Variants in COL28A1 observed in about 807,000 individuals in gnomAD.
COL28A1 encodes collagen alpha-1(XXVIII) chain.
COL28A1 carries 161 observed loss-of-function variants against 150.2 expected under a neutral mutation model. The observed-to-expected ratio is 1.07, with a 90% CI of 0.94 to 1.22. The LOEUF (loss-of-function observed/expected upper bound fraction) is 1.22, where lower values mean the gene tolerates loss of function less well. COL28A1 is among the 50% of genes most tolerant of loss of function. The pLI is 0.00. For missense variants in COL28A1, 1,617 were observed against 1,388.3 expected, an observed-to-expected ratio of 1.16 and a Z score of -2.62; for synonymous variants, 552 against 469.7, an observed-to-expected ratio of 1.18 and a Z score of -2.26.
At chr7:7,426,374 G>C (rs1054050145) in intron 25 of COL28A1, among the ~76,000 whole-genome samples, 2 of 152,164 alleles carry the variant, frequency 1.3e-5, no homozygotes, top group African/African-American at 4.8e-5. Flanking sequence ...AGGACCTCTA[G>C]AATACCTCAC....
At position 7,504,068 on chromosome 7, in the gene COL28A1, C is replaced by A. The variant is rs1306472422; in HGVS notation, c.1026+1946G>T. 1.3e-5 allele frequency among the ~76,000 whole-genome samples: 2 copies of A among 152,166 alleles called. 1 individual carries two copies. The highest frequency in any genetic ancestry group is 3.8e-4 in the East Asian group (2 of 5,198). On this transcript the variant is annotated intron_variant, in intron 11 of 34. Transcript: ENST00000399429. The stretch of plus-strand genomic sequence containing the variant: ...TGCTGTAAAAGTCAACCACAAAGTG[C>A]TATTATGTCAGAAAAATTATAACCA...
chr7:7,471,023 A>G, intron 15 of COL28A1, among the ~76,000 whole-genome samples: 1 of 141,518 alleles, frequency 7.1e-6, no homozygotes. Context: ...ATGACGAGTT[A>G]GTGGGTGCAG....
At position 7,362,232 on chromosome 7, in the gene COL28A1, T is replaced by C. The variant is rs1326805357; in HGVS notation, c.3067-1704A>G. 2.9e-5 allele frequency among the ~76,000 whole-genome samples: 4 copies of C among 138,430 alleles called. No homozygotes were observed. The East Asian group carries it at 6.6e-4, about 23-fold the overall frequency. The allele number at this position is 138,430 out of a possible 152,430, so 90.8% of individuals were successfully genotyped here. A position where few individuals can be genotyped will look rare whatever the true frequency, so the allele number is the denominator to read the frequency against. On this transcript the variant is annotated intron_variant, in intron 33 of 34. Coordinates refer to ENST00000399429, the MANE Select transcript of COL28A1 (RefSeq NM_001037763.3). ...ACAATTACCAGGAGCTAGACAAATCTTTTATGGGAATAATTATATTCTTTT... is the reference window on the plus strand; with the variant it reads ...ACAATTACCAGGAGCTAGACAAATCCTTTATGGGAATAATTATATTCTTTT...
chr7:7,375,557 C>A, intron 30 of COL28A1, 60 bp from the exon 31 acceptor site: 3 of 1,119,250 alleles, frequency 2.7e-6, no homozygotes, highest in Non-Finnish European at 2.5e-6. Context: ...TTTCCTAGAG[C>A]CATAAAAGAT....
At position 7,444,437 on chromosome 7, in the gene COL28A1, T is replaced by C. The variant is rs1786089552; in HGVS notation, c.1562A>G (p.Asp521Gly). The C allele has an allele frequency of 6.2e-7, 1 of 1,613,978 alleles. No homozygotes were observed. Among genetic ancestry groups the C allele is most frequent in the Non-Finnish European group, 8.5e-7 (1 of 1,179,996 alleles). The change falls in exon 19 of 35, where the codon GAT becomes GGT. Residue 521 changes from aspartate (D) to glycine (G), a missense_variant. Asp to Gly is a moderately conservative substitution (Grantham distance 94, BLOSUM62 -1). Coordinates refer to ENST00000399429, the MANE Select transcript of COL28A1 (RefSeq NM_001037763.3). The stretch of plus-strand genomic sequence containing the variant: ...TGTTACCTTCTTCCCTGCAGCTCCA[T>C]CTTCTCCTGGTACTCCTGGTTGTCC... ...LPGQPGVPGEDGAAGKKGEAG... is the reference protein window; with the variant it reads ...LPGQPGVPGEGGAAGKKGEAG...
At chr7:7,520,426 T>C (rs1387575033) in intron 5 of COL28A1, among the ~76,000 whole-genome samples, 2 of 152,122 alleles carry the variant, frequency 1.3e-5, no homozygotes, top group Non-Finnish European at 2.9e-5. Context: ...TTTAAAAGAG[T>C]AGCTGCAACA....
At chr7:7,344,643 TAAGAA>T in the COL28A1 span, among the ~76,000 whole-genome samples, 1 of 152,134 alleles carries the variant, frequency 6.6e-6, no homozygotes, top group African/African-American at 2.4e-5. Context: ...TTAAATGCAT[TAAGAA>T]AAGTAAGAGA....
intron 27 of COL28A1, chr7:7,417,548 G>GAGA (rs1277932744): frequency 5.4e-4 from 18 of 33,464 alleles, no homozygotes; most frequent in African/African-American, 2.5e-3. Context: ...GAGGGGGGGG[G>GAGA]GAGAGAGAGA....
chr7:7,383,168 CTCTA>C (rs1194556898), intron 27 of COL28A1, among the ~76,000 whole-genome samples: 1 of 151,934 alleles, frequency 6.6e-6, no homozygotes, highest in Non-Finnish European at 1.5e-5. Context: ...GAGAAAAAAT[CTCTA>C]TCTGAAATTC....
intron 3 of COL28A1, among the ~76,000 whole-genome samples, chr7:7,526,450 C>G (rs1393561517): frequency 4.6e-5 from 7 of 152,096 alleles, no homozygotes; most frequent in Admixed American, 2.6e-4. Context: ...TAAGATATTT[C>G]AAACCACGTC....
chr7:7,499,016 C>T (rs1275943308), intron 11 of COL28A1, among the ~76,000 whole-genome samples: 1 of 152,072 alleles, frequency 6.6e-6, no homozygotes, highest in South Asian at 2.1e-4. Context: ...GGCTGACATC[C>T]CACATGTTCT....
rs55745506 is a variant in COL28A1 at position 7,456,104 on chromosome 7, T to C, written c.1311A>G (p.Ile437Met). 0.22 allele frequency: 357,647 copies of C among 1,612,506 alleles called. 44,010 individuals carry two copies. The highest frequency in any genetic ancestry group is 0.51 in the African/African-American group (38,333 of 74,826). The change falls in exon 16 of 35, where the codon ATA (isoleucine) becomes ATG (methionine). Residue 437 changes from isoleucine to methionine, a missense_variant. Ile to Met is a conservative substitution (Grantham distance 10, BLOSUM62 1). Transcript: ENST00000399429. ...GLSIKGEKGDIGPVGPQGPMG... is the reference protein window; with the variant it reads ...GLSIKGEKGDMGPVGPQGPMG... ...TTGGTCCTTGGGGTCCCACAGGTCC[T>C]ATATCCCCCTGCACAGAAAATAAGC...
At chr7:7,417,387 G>A (rs1784139504) in intron 27 of COL28A1, among the ~76,000 whole-genome samples, 1 of 150,738 alleles carries the variant, frequency 6.6e-6, no homozygotes, top group African/African-American at 2.5e-5. Context: ...TCGTTCCTCT[G>A]GGAAAGGGCA....
intron 11 of COL28A1, among the ~76,000 whole-genome samples, chr7:7,503,204 G>C (rs1780630668): frequency 6.6e-6 from 1 of 152,250 alleles, no homozygotes; most frequent in East Asian, 1.9e-4. Context: ...GCAGACTTGT[G>C]GGTTTCAATA....
At chr7:7,396,920 A>G (rs1023011037) in intron 27 of COL28A1, among the ~76,000 whole-genome samples, 1 of 152,178 alleles carries the variant, frequency 6.6e-6, no homozygotes, top group Middle Eastern at 3.2e-3. Context: ...ATGGCCCTCA[A>G]TGCAGGGCTT....
At chr7:7,535,245 G>C (rs1406801843) in intron 1 of COL28A1, among the ~76,000 whole-genome samples, 1 of 151,892 alleles carries the variant, frequency 6.6e-6, no homozygotes, top group Non-Finnish European at 1.5e-5. Flanking sequence ...AATTTATTTG[G>C]GGTAAATATC....
At chr7:7,372,189 G>A (rs1168406732) in intron 32 of COL28A1, among the ~76,000 whole-genome samples, 3 of 151,908 alleles carry the variant, frequency 2.0e-5, no homozygotes, top group Non-Finnish European at 4.4e-5. Flanking sequence ...CATGAGGTCA[G>A]GAGATCGAAA....
chr7:7,519,966 T>C (rs1781623402), intron 6 of COL28A1, 96 bp downstream of exon 6: 5 of 682,910 alleles, frequency 7.3e-6, no homozygotes, highest in Non-Finnish European at 1.3e-5. Flanking sequence ...ATTTTTGCCA[T>C]ATACTACAAT....
At chr7:7,510,960 T>C (rs1413310758) in intron 9 of COL28A1, 131 bp downstream of exon 9, 5 of 712,662 alleles carry the variant, frequency 7.0e-6, no homozygotes, top group Non-Finnish European at 1.2e-5. Context: ...GTTTTACAGA[T>C]GTGAAAAATT....
Sources: gnomAD v4.1 joint callset for allele counts (sites outside exome capture counted in the v4.1 genomes callset) on GRCh38, gnomAD v4.1.1 for gene constraint, MANE v1.5 for transcripts, NCBI Gene and HGNC (gene_info 2026-07-23, HGNC 2026-07-21) for gene names.